The following SGCZ variants were observed in gnomAD, a reference collection of about 807,000 sequenced individuals.
The protein encoded by SGCZ is zeta-sarcoglycan.
In SGCZ, 40 loss-of-function variants were observed where a neutral mutation model predicts 41.3. The ratio of observed to expected loss-of-function variants is 0.97; its 90% CI spans 0.75 to 1.26. The LOEUF (loss-of-function observed/expected upper bound fraction) is 1.26. SGCZ is among the 50% of genes most tolerant of loss of function. The probability of loss-of-function intolerance (pLI) is 0.00; values close to 1 mark genes in which losing one functional copy is unlikely to be tolerated. For synonymous variants in SGCZ, 206 were observed against 137.5 expected (o/e 1.50, Z -3.49); for missense variants, 552 against 369.8 (o/e 1.49, Z -4.04).
At chr8:15,158,307 C>A (rs1322754104) in intron 1 of SGCZ, among the ~76,000 whole-genome samples, 1 of 152,138 alleles carries the variant, frequency 6.6e-6, no homozygotes, top group Non-Finnish European at 1.5e-5. Flanking sequence ...AAACCCCTAC[C>A]CTAAATTTTT....
At chr8:15,168,657 A>G (rs1799737700) in intron 1 of SGCZ, among the ~76,000 whole-genome samples, 2 of 150,380 alleles carry the variant, frequency 1.3e-5, no homozygotes, top group South Asian at 2.1e-4. Flanking sequence ...CTCTTTCTAG[A>G]TGGGTAGCCA....
At chr8:14,784,957 A>ATATATATAATATATATATTTTTTTTATAT in intron 1 of SGCZ, among the ~76,000 whole-genome samples, 1 of 102,206 alleles carries the variant, frequency 9.8e-6, no homozygotes, top group Non-Finnish European at 2.1e-5. Context: ...TTTTTATATT[A>ATATATATAATATATATATTTTTTTTATAT]TATATATATA....
intron 1 of SGCZ, among the ~76,000 whole-genome samples, chr8:14,826,424 T>C (rs1334634329): frequency 1.3e-5 from 2 of 152,124 alleles, no homozygotes; most frequent in Admixed American, 6.5e-5. Context: ...AGCAGCATCA[T>C]TTATAATCCT....
intron 2 of SGCZ, among the ~76,000 whole-genome samples, chr8:14,341,096 G>A (rs578043559): frequency 3.3e-5 from 5 of 152,272 alleles, no homozygotes; most frequent in African/African-American, 9.6e-5. Context: ...GTTGTAGCAT[G>A]TGTCAAAATT....
chr8:14,596,366 A>G (rs1248707782), intron 1 of SGCZ, among the ~76,000 whole-genome samples: 2 of 152,170 alleles, frequency 1.3e-5, no homozygotes, highest in East Asian at 3.9e-4. Flanking sequence ...AATGACTTGA[A>G]TCTTAAAATA....
intron 2 of SGCZ, among the ~76,000 whole-genome samples, chr8:14,325,999 G>A (rs1227090952): frequency 2.0e-5 from 3 of 147,712 alleles, no homozygotes; most frequent in Non-Finnish European, 4.5e-5. Flanking sequence ...GTAGTCCCAG[G>A]TACTCGGAAG....
chr8:14,391,441 T>C (rs1360113747), intron 2 of SGCZ, among the ~76,000 whole-genome samples: 2 of 152,162 alleles, frequency 1.3e-5, no homozygotes, highest in Non-Finnish European at 2.9e-5. Flanking sequence ...AGATTCCATA[T>C]GTATCAAAAA....
intron 1 of SGCZ, among the ~76,000 whole-genome samples, chr8:15,025,665 G>C (rs1396915828): frequency 6.6e-6 from 1 of 152,096 alleles, no homozygotes; most frequent in East Asian, 1.9e-4. Flanking sequence ...ATCCAAGAAA[G>C]GATTGAGATT....
chr8:14,700,940 A>C (rs1163674360), intron 1 of SGCZ, among the ~76,000 whole-genome samples: 1 of 151,946 alleles, frequency 6.6e-6, no homozygotes, highest in African/African-American at 2.4e-5. Flanking sequence ...GGTAGGTGAA[A>C]GAAAGAAGAA....
chr8:14,983,095 A>C (rs1479957330), intron 1 of SGCZ, among the ~76,000 whole-genome samples: 1 of 152,180 alleles, frequency 6.6e-6, no homozygotes. Context: ...GAGTTAATAC[A>C]TGTTAATAAG....
chr8:15,058,328 G>A (rs779951994), intron 1 of SGCZ, among the ~76,000 whole-genome samples: 9 of 152,134 alleles, frequency 5.9e-5, no homozygotes, highest in Non-Finnish European at 1.3e-4. Flanking sequence ...TGCCACTCAT[G>A]GGGTGAAAAA....
At chr8:14,557,576 T>G (rs1305156995) in intron 1 of SGCZ, among the ~76,000 whole-genome samples, 1 of 152,154 alleles carries the variant, frequency 6.6e-6, no homozygotes, top group Non-Finnish European at 1.5e-5. Flanking sequence ...TTTAAGTCCT[T>G]GATCCATCTT....
rs574313755 is a variant in SGCZ, at chr8:14,171,340, T to C, written c.425-6638A>G. Among the ~76,000 whole-genome samples the C allele has an allele frequency of 1.3e-4, 20 of 152,102 alleles. No individual in the cohort carries two copies. In the South Asian group the frequency reaches 3.9e-3, roughly 30 times the overall value. On this transcript the variant is annotated intron_variant, in intron 4 of 7. Transcript: ENST00000382080. ...AACATCTTAAAAAGAGATCTTCATGTTGCACTTTAAACACAATTATGAAGA... is the reference window on the plus strand; with the variant it reads ...AACATCTTAAAAAGAGATCTTCATGCTGCACTTTAAACACAATTATGAAGA...
intron 1 of SGCZ, among the ~76,000 whole-genome samples, chr8:15,214,795 C>A (rs985598021): frequency 6.6e-6 from 1 of 152,062 alleles, no homozygotes; most frequent in Non-Finnish European, 1.5e-5. Flanking sequence ...GCTGATGGTG[C>A]AATTTTAAGG....
intron 1 of SGCZ, among the ~76,000 whole-genome samples, chr8:14,629,152 C>T (rs1349432649): frequency 1.3e-5 from 2 of 152,074 alleles, no homozygotes; most frequent in African/African-American, 4.8e-5. Context: ...GGTAGTCATA[C>T]CTGAAGTCCA....
intron 1 of SGCZ, among the ~76,000 whole-genome samples, chr8:14,582,676 A>G (rs1429506052): frequency 9.2e-6 from 1 of 108,708 alleles, no homozygotes; most frequent in African/African-American, 3.7e-5. Context: ...ACCCCACAAC[A>G]GTCCCCAGAG....
At chr8:14,554,990 C>G in intron 1 of SGCZ, 64 bp from the exon 2 acceptor site, 3 of 1,423,024 alleles carry the variant, frequency 2.1e-6, no homozygotes, top group Non-Finnish European at 2.8e-6. Context: ...AAAAAATAAA[C>G]CCATGATTTT....
At chr8:15,213,039 G>A (rs191076599) in intron 1 of SGCZ, among the ~76,000 whole-genome samples, 11 of 151,988 alleles carry the variant, frequency 7.2e-5, no homozygotes, top group African/African-American at 2.4e-4. Context: ...TTAACTAAAT[G>A]CACAAAAGCA....
intron 2 of SGCZ, among the ~76,000 whole-genome samples, chr8:14,479,578 A>C (rs535326191): frequency 9.7e-4 from 148 of 152,180 alleles, no homozygotes; most frequent in African/African-American, 3.5e-3. Flanking sequence ...ATTTAGAGCT[A>C]TCATCCCTGC....
Sources: gnomAD v4.1 joint callset for allele counts (sites outside exome capture counted in the v4.1 genomes callset) on GRCh38, gnomAD v4.1.1 for gene constraint, MANE v1.5 for transcripts, NCBI Gene and HGNC (gene_info 2026-07-23, HGNC 2026-07-21) for gene names.